SCN1A: variants seen among roughly 807,000 people sequenced by gnomAD.
SCN1A encodes the protein sodium voltage-gated channel alpha subunit 1, also known as sodium channel protein type 1 subunit alpha.
A neutral mutation model predicts 193.7 loss-of-function variants in SCN1A; 13 were observed. The observed-to-expected ratio is 0.07, with a 90% CI of 0.04 to 0.11. The LOEUF is 0.11. Among genes scored for constraint, SCN1A ranks in the 10% least tolerant of loss-of-function variants. The pLI is 1.00. For synonymous variants in SCN1A, 781 were observed against 843.6 expected, an observed-to-expected ratio of 0.93 and a Z score of 1.29; for missense variants, 1,432 against 2,451.1, an observed-to-expected ratio of 0.58 and a Z score of 8.78.
intron 1 of SCN1A, among the ~76,000 whole-genome samples, chr2:166,144,423 A>T (rs1452878017): frequency 6.6e-6 from 1 of 152,224 alleles, no homozygotes; most frequent in Non-Finnish European, 1.5e-5. Context: ...TAATAATCCT[A>T]TTCCCATGGA....
At chr2:166,143,995 C>T (rs2155872) in intron 1 of SCN1A, among the ~76,000 whole-genome samples, 122,447 of 151,680 alleles carry the variant, frequency 0.81, 50,016 homozygotes, top group African/African-American at 0.94. Context: ...AGAACATCTC[C>T]GTATCAAACC....
upstream of SCN1A, among the ~76,000 whole-genome samples, chr2:166,132,766 A>C (rs1303952315): frequency 2.0e-5 from 3 of 152,136 alleles, no homozygotes; most frequent in Non-Finnish European, 4.4e-5. Context: ...ACATTCCATA[A>C]ATTAAAAAAA....
At position 166,045,100 on chromosome 2, in the gene SCN1A, G is replaced by A; in HGVS notation, c.1605C>T (p.Arg535=). The A allele has an allele frequency of 6.2e-7, 1 of 1,614,158 alleles. No individual in the cohort carries two copies. Among genetic ancestry groups the A allele is most frequent in the Non-Finnish European group, 8.5e-7 (1 of 1,180,018 alleles). Residue 535 remains arginine (R), a synonymous_variant, in exon 13 of 29, where the codon CGC becomes CGT. Coordinates refer to ENST00000674923, the MANE Select transcript of SCN1A (RefSeq NM_001165963.4). The part of the protein sequence containing the change: ...SEDSIRRKGF[R]FSIEGNRLTY... ...TCAATCGGTTCCCTTCAATGGAGAAGCGAAAACCTTTCCTCCTGATGCTGT... is the reference window on the plus strand; with the variant it reads ...TCAATCGGTTCCCTTCAATGGAGAAACGAAAACCTTTCCTCCTGATGCTGT...
At chr2:166,087,198 G>T (rs1686232021) in intron 2 of SCN1A, among the ~76,000 whole-genome samples, 2 of 150,846 alleles carry the variant, frequency 1.3e-5, no homozygotes, top group Admixed American at 1.3e-4. Context: ...CTGGCACGGT[G>T]GCTCACACCT....
chr2:166,052,358 A>T (rs1039905436), intron 8 of SCN1A, among the ~76,000 whole-genome samples: 3 of 152,028 alleles, frequency 2.0e-5, no homozygotes, highest in Admixed American at 1.3e-4. Flanking sequence ...TAAATATTTT[A>T]AAATTCCTAT....
intron 3 of SCN1A, among the ~76,000 whole-genome samples, chr2:166,074,514 T>G (rs1269114028): frequency 6.6e-6 from 1 of 152,178 alleles, no homozygotes; most frequent in Non-Finnish European, 1.5e-5. Context: ...TTCTTGCTGA[T>G]TCTATAGTCC....
chr2:166,064,490 T>G (rs950267265), intron 4 of SCN1A, among the ~76,000 whole-genome samples: 1 of 152,178 alleles, frequency 6.6e-6, no homozygotes, highest in African/African-American at 2.4e-5. Context: ...GAATAGTTAC[T>G]AAGAAAATAA....
chr2:166,118,135 GAA>G (rs894821995), intron 2 of SCN1A, among the ~76,000 whole-genome samples: 2 of 137,922 alleles, frequency 1.5e-5, no homozygotes, highest in African/African-American at 2.7e-5. Context: ...GCCTAGGAAT[GAA>G]AAAAAAAAGA....
Position 166,038,268 on chromosome 2 carries a change from T to A in SCN1A, c.2590-136A>T, listed in dbSNP as rs1696708881. On this transcript the variant is annotated intron_variant, in intron 17 of 28. Transcript: ENST00000674923. ...GCCCTAACCGTCTCAGGCTCATGGCTAATTTTTGGACTCCCTAGGAAAAGC... is the reference window on the plus strand; with the variant it reads ...GCCCTAACCGTCTCAGGCTCATGGCAAATTTTTGGACTCCCTAGGAAAAGC... 8 of 701,040 alleles carry A rather than the reference T, an allele frequency of 1.1e-5. No homozygotes were observed. In the East Asian group the frequency reaches 2.2e-4, roughly 19 times the overall value. 43.4% of individuals were successfully genotyped at this position (701,040 alleles called of 1,614,324 possible).
chr2:166,108,943 T>A (rs1688997945), intron 2 of SCN1A, among the ~76,000 whole-genome samples: 1 of 152,136 alleles, frequency 6.6e-6, no homozygotes, highest in African/African-American at 2.4e-5. Flanking sequence ...AAAACTACAA[T>A]GATAATCATG....
chr2:166,078,750 A>G (rs1414029279), intron 2 of SCN1A, among the ~76,000 whole-genome samples: 1 of 151,744 alleles, frequency 6.6e-6, no homozygotes, highest in African/African-American at 2.4e-5. Flanking sequence ...TTTGAAAAAT[A>G]ATCACAAAAT....
chr2:166,005,331 A>T (rs1691514516), intron 23 of SCN1A, among the ~76,000 whole-genome samples: 1 of 151,374 alleles, frequency 6.6e-6, no homozygotes, highest in Non-Finnish European at 1.5e-5. Flanking sequence ...GTTATTTCTG[A>T]ATATGGGATG....
At chr2:166,148,185 A>AT (rs913828426) in intron 1 of SCN1A, among the ~76,000 whole-genome samples, 1 of 152,116 alleles carries the variant, frequency 6.6e-6, no homozygotes, top group Non-Finnish European at 1.5e-5. Flanking sequence ...ATATCCATCT[A>AT]TTTTTTAGAT....
At chr2:166,131,357 G>C (rs1163646679), upstream of SCN1A, among the ~76,000 whole-genome samples, 1 of 151,216 alleles carries the variant, frequency 6.6e-6, no homozygotes, top group Non-Finnish European at 1.5e-5. Flanking sequence ...GAAGGCGTAA[G>C]ATGTCATTTA....
chr2:166,087,184 C>G (rs1686230032), intron 2 of SCN1A, among the ~76,000 whole-genome samples: 1 of 149,894 alleles, frequency 6.7e-6, no homozygotes, highest in African/African-American at 2.5e-5. Flanking sequence ...AAAAAAAGAG[C>G]AGCCTGGCAC....
intron 1 of SCN1A, among the ~76,000 whole-genome samples, chr2:166,143,603 G>T (rs1249268301): frequency 6.6e-6 from 1 of 152,132 alleles, no homozygotes; most frequent in Non-Finnish European, 1.5e-5. Flanking sequence ...CCAAAATGGC[G>T]CTATTAAATC....
chr2:166,073,961 T>A (rs1684742738), intron 3 of SCN1A, among the ~76,000 whole-genome samples: 1 of 152,182 alleles, frequency 6.6e-6, no homozygotes, highest in Admixed American at 6.5e-5. Context: ...TAACACTATA[T>A]CACTAATGAG....
At chr2:166,079,726 A>T (rs1208417497) in intron 2 of SCN1A, among the ~76,000 whole-genome samples, 2 of 151,208 alleles carry the variant, frequency 1.3e-5, no homozygotes, top group African/African-American at 4.8e-5. Flanking sequence ...TACTGGAGAA[A>T]TAAACAACCA....
rs1240683493 is a variant in SCN1A, at chr2:166,047,621, T to G, written c.1170+6A>C. The G allele has an allele frequency of 6.2e-7, 1 of 1,613,478 alleles. No individual in the cohort carries two copies. Among genetic ancestry groups the G allele is most frequent in the East Asian group, 2.2e-5 (1 of 44,850 alleles). On this transcript the variant is annotated splice_donor_region_variant and intron_variant, in intron 11 of 28. Coordinates refer to ENST00000674923, the MANE Select transcript of SCN1A (RefSeq NM_001165963.4). ...TAAATGGAGAGTGTGGCTCTTTAGTTCTCACCAGTTGATAAAGATTTTCCC... is the reference window on the plus strand; with the variant it reads ...TAAATGGAGAGTGTGGCTCTTTAGTGCTCACCAGTTGATAAAGATTTTCCC...
Sources: allele counts gnomAD v4.1 joint callset (sites outside exome capture counted in the v4.1 genomes callset), GRCh38; gene constraint gnomAD v4.1.1; transcripts MANE v1.5; gene names NCBI Gene and HGNC (gene_info 2026-07-23, HGNC 2026-07-21).